The following MRPL48 variants were observed in gnomAD, a reference collection of about 807,000 sequenced individuals.
MRPL48 encodes large ribosomal subunit protein mL48.
A neutral mutation model predicts 32.9 loss-of-function variants in MRPL48; 16 were observed. The ratio of observed to expected loss-of-function variants is 0.49; its 90% CI spans 0.33 to 0.74. The LOEUF is 0.74. Among genes scored for constraint, MRPL48 ranks in the 30% least tolerant of loss-of-function variants. The probability of loss-of-function intolerance (pLI) is 0.02; values close to 1 mark genes in which losing one functional copy is unlikely to be tolerated. For missense variants in MRPL48, 206 were observed against 245.3 expected, an observed-to-expected ratio of 0.84 and a Z score of 1.07; for synonymous variants, 94 against 89.2, an observed-to-expected ratio of 1.05 and a Z score of -0.31.
At chr11:73,823,620 C>G (rs1005028262) in intron 3 of MRPL48, among the ~76,000 whole-genome samples, 1 of 146,892 alleles carries the variant, frequency 6.8e-6, no homozygotes, top group Non-Finnish European at 1.5e-5. Context: ...GATCTGATTT[C>G]AGTTTCTTAT....
chr11:73,803,856 GT>G (rs1241528527), intron 1 of MRPL48, among the ~76,000 whole-genome samples: 1 of 151,890 alleles, frequency 6.6e-6, no homozygotes, highest in Non-Finnish European at 1.5e-5. Flanking sequence ...CATTATATTT[GT>G]TTTTTTGTTC....
At chr11:73,829,002 A>G (rs1022682957) in intron 4 of MRPL48, among the ~76,000 whole-genome samples, 6 of 152,172 alleles carry the variant, frequency 3.9e-5, no homozygotes, top group African/African-American at 1.4e-4. Context: ...AAAATGTCTT[A>G]GAATCTTCTC....
Position 73,787,929 on chromosome 11 carries a change from C to A in MRPL48, c.-43C>A. Reference sequence around the variant, plus strand: ...GCCCTGGGAACGCGGCTGCAGGGTCCGGTCTTCGGTTTGCACAGCTAGAGG... The same window carrying A: ...GCCCTGGGAACGCGGCTGCAGGGTCAGGTCTTCGGTTTGCACAGCTAGAGG... On this transcript the variant is annotated 5_prime_UTR_variant, in exon 1 of 8. Transcript: ENST00000310614. 6.2e-7 allele frequency: 1 copy of A among 1,605,070 alleles called. No homozygotes were observed. Among genetic ancestry groups the A allele is most frequent in the Non-Finnish European group, 8.5e-7 (1 of 1,174,732 alleles).
Position 73,863,159 on chromosome 11 carries a change from T to C in MRPL48, c.475-13T>C. The C allele has an allele frequency of 6.4e-7, 1 of 1,571,142 alleles. No individual in the cohort carries two copies. The highest frequency in any genetic ancestry group is 8.6e-7 in the Non-Finnish European group (1 of 1,157,816). On this transcript the variant is annotated splice_polypyrimidine_tract_variant and intron_variant, in intron 6 of 7. Coordinates refer to ENST00000310614, the MANE Select transcript of MRPL48 (RefSeq NM_016055.6). Reference sequence around the variant, plus strand: ...TCCTCCCACCTCTTAGAGCACCTTCTTTCATTTTGCAGATCAGCGGTTTGA... The same window carrying C: ...TCCTCCCACCTCTTAGAGCACCTTCCTTCATTTTGCAGATCAGCGGTTTGA...
chr11:73,837,152 C>G (rs1948117942), intron 4 of MRPL48, among the ~76,000 whole-genome samples: 1 of 152,124 alleles, frequency 6.6e-6, no homozygotes, highest in South Asian at 2.1e-4. Flanking sequence ...GCATATCAGC[C>G]TTTTTGTTTG....
At chr11:73,843,962 C>T (rs1450920715) in intron 4 of MRPL48, among the ~76,000 whole-genome samples, 2 of 151,942 alleles carry the variant, frequency 1.3e-5, no homozygotes, top group African/African-American at 4.8e-5. Flanking sequence ...ACCTGTAATC[C>T]CAGCTACTTG....
At chr11:73,788,071 C>T in intron 1 of MRPL48, 79 bp downstream of exon 1, 4 of 1,212,402 alleles carry the variant, frequency 3.3e-6, no homozygotes, top group Non-Finnish European at 3.4e-6. Context: ...GGGTGCAGAG[C>T]GGGGAGGTGG....
intron 3 of MRPL48, among the ~76,000 whole-genome samples, chr11:73,824,090 G>A (rs991448639): frequency 1.3e-5 from 2 of 151,720 alleles, no homozygotes; most frequent in South Asian, 2.1e-4. Flanking sequence ...TCCTGACCTC[G>A]TGATCTACCT....
At chr11:73,796,047 C>T (rs1009358859) in intron 1 of MRPL48, among the ~76,000 whole-genome samples, 2 of 152,200 alleles carry the variant, frequency 1.3e-5, no homozygotes, top group Admixed American at 6.5e-5. Flanking sequence ...CTGGATTGGC[C>T]GCTGCCATCA....
intron 2 of MRPL48, 117 bp downstream of exon 2, chr11:73,805,196 C>A (rs1947426832): frequency 2.5e-6 from 2 of 798,010 alleles, no homozygotes; most frequent in East Asian, 2.8e-5. Context: ...CATGCATCTC[C>A]CCTGCCACCT....
chr11:73,841,598 G>A (rs11235925), intron 4 of MRPL48, among the ~76,000 whole-genome samples: 13,728 of 152,184 alleles, frequency 0.09, 743 homozygotes, highest in South Asian at 0.26. Flanking sequence ...TAACTCTATG[G>A]TTTCATAAGT....
chr11:73,823,096 A>T (rs1017086645), intron 3 of MRPL48: 1 of 383,874 alleles, frequency 2.6e-6, no homozygotes, highest in Admixed American at 2.8e-5. Flanking sequence ...ATTTCATTAT[A>T]TATTACAATG....
At chr11:73,847,224 A>G (rs1948308450) in intron 5 of MRPL48, among the ~76,000 whole-genome samples, 2 of 152,148 alleles carry the variant, frequency 1.3e-5, no homozygotes, top group African/African-American at 2.4e-5. Context: ...GGTATCATCA[A>G]TTTTTAAAAA....
chr11:73,845,462 T>C (rs1948271566), intron 5 of MRPL48, among the ~76,000 whole-genome samples: 1 of 152,244 alleles, frequency 6.6e-6, no homozygotes, highest in South Asian at 2.1e-4. Context: ...ATCTCCATCA[T>C]GCTTTTCATC....
chr11:73,820,026 G>A (rs1947745921), intron 3 of MRPL48, among the ~76,000 whole-genome samples: 1 of 152,180 alleles, frequency 6.6e-6, no homozygotes, highest in South Asian at 2.1e-4. Context: ...ATAGAGGAGA[G>A]GGATGTTGGA....
chr11:73,800,016 A>G (rs1318744921), intron 1 of MRPL48, among the ~76,000 whole-genome samples: 3 of 152,202 alleles, frequency 2.0e-5, no homozygotes, highest in African/African-American at 7.2e-5. Flanking sequence ...TACCAAACCT[A>G]TAACTTTGGG....
intron 4 of MRPL48, among the ~76,000 whole-genome samples, chr11:73,837,781 C>T (rs1948129125): frequency 6.6e-6 from 1 of 152,124 alleles, no homozygotes; most frequent in Non-Finnish European, 1.5e-5. Flanking sequence ...CCTGGCTGGC[C>T]TTCATGTGCA....
chr11:73,796,880 C>G (rs1418192646), intron 1 of MRPL48, among the ~76,000 whole-genome samples: 1 of 152,162 alleles, frequency 6.6e-6, no homozygotes, highest in Non-Finnish European at 1.5e-5. Flanking sequence ...ACCTGGCCAA[C>G]ATGGTGAGAC....
chr11:73,802,929 T>G (rs1430346205), intron 1 of MRPL48, among the ~76,000 whole-genome samples: 1 of 151,980 alleles, frequency 6.6e-6, no homozygotes, highest in Non-Finnish European at 1.5e-5. Flanking sequence ...AATCCTAGGC[T>G]CAAGTGATCT....
Sources: gnomAD v4.1 joint callset for allele counts (sites outside exome capture counted in the v4.1 genomes callset) on GRCh38, gnomAD v4.1.1 for gene constraint, MANE v1.5 for transcripts, NCBI Gene and HGNC (gene_info 2026-07-23, HGNC 2026-07-21) for gene names.